The following GRID2 variants were observed in gnomAD, a reference collection of about 807,000 sequenced individuals.
The protein encoded by GRID2 is glutamate receptor ionotropic, delta-2.
Under a neutral mutation model 114.8 loss-of-function variants are expected in GRID2, and 33 were observed. That is an observed-to-expected ratio of 0.29 (90% CI 0.22 to 0.38). The LOEUF is 0.38. GRID2 is among the 10% of genes least tolerant of loss of function. The pLI is 1.00. For synonymous variants in GRID2, 505 were observed against 449.9 expected (o/e 1.12, Z -1.55); for missense variants, 1,184 against 1,257.7 (o/e 0.94, Z 0.89).
intron 2 of GRID2, among the ~76,000 whole-genome samples, chr4:92,605,561 A>G (rs1452651957): frequency 4.6e-5 from 7 of 152,080 alleles, no homozygotes; most frequent in Non-Finnish European, 1.0e-4. Context: ...CTCATTTTTT[A>G]TAAGATGATG....
intron 2 of GRID2, among the ~76,000 whole-genome samples, chr4:92,684,149 T>C (rs1733787512): frequency 6.6e-6 from 1 of 151,980 alleles, no homozygotes. Context: ...TGAAAAACAA[T>C]CATATGTAAT....
rs145109962 is a variant in GRID2, at chr4:92,538,600, G to A, written c.89-51531G>A. On this transcript the variant is annotated intron_variant, in intron 1 of 15. Coordinates refer to ENST00000282020, the MANE Select transcript of GRID2 (RefSeq NM_001510.4). ...TTGTTTTGAAGTTTAAATAATATAG[G>A]TCCAGCCCTTGGCATAGTAAATACT... 1.7e-4 allele frequency among the ~76,000 whole-genome samples: 26 copies of A among 152,056 alleles called. No homozygotes were observed. The East Asian group carries it at 4.9e-3, about 28-fold the overall frequency.
At chr4:92,538,864 A>C (rs1424745170) in intron 1 of GRID2, among the ~76,000 whole-genome samples, 2 of 152,050 alleles carry the variant, frequency 1.3e-5, no homozygotes, top group African/African-American at 2.4e-5. Context: ...AACACCATGA[A>C]ACCCCGTCTC....
intron 2 of GRID2, among the ~76,000 whole-genome samples, chr4:92,991,804 A>G (rs1343614083): frequency 6.6e-6 from 1 of 152,206 alleles, no homozygotes; most frequent in Non-Finnish European, 1.5e-5. Flanking sequence ...GTACAAATAC[A>G]CAAAAGTTAG....
chr4:93,153,601 G>T (rs1056069755), intron 4 of GRID2, among the ~76,000 whole-genome samples: 14 of 152,024 alleles, frequency 9.2e-5, no homozygotes, highest in African/African-American at 3.4e-4. Context: ...CTCATTCCAG[G>T]CCGGGACATA....
At chr4:93,533,487 C>A (rs1047074907) in intron 13 of GRID2, among the ~76,000 whole-genome samples, 1 of 151,430 alleles carries the variant, frequency 6.6e-6, no homozygotes, top group African/African-American at 2.4e-5. Flanking sequence ...GATTCTCCCA[C>A]CTCTGCCTCC....
intron 13 of GRID2, among the ~76,000 whole-genome samples, chr4:93,620,450 C>T (rs1017169583): frequency 2.6e-5 from 4 of 152,156 alleles, no homozygotes; most frequent in Admixed American, 2.6e-4. Context: ...AGCGATAAGT[C>T]TGTTTGTGGC....
At chr4:92,426,115 T>G (rs1732145994) in intron 1 of GRID2, among the ~76,000 whole-genome samples, 1 of 152,120 alleles carries the variant, frequency 6.6e-6, no homozygotes, top group Admixed American at 6.6e-5. Flanking sequence ...CTTTCTATGG[T>G]AACTTGTACT....
At chr4:93,674,828 T>G (rs1264281383) in intron 14 of GRID2, among the ~76,000 whole-genome samples, 2 of 152,172 alleles carry the variant, frequency 1.3e-5, no homozygotes, top group Admixed American at 6.5e-5. Context: ...ATTTTTCAAC[T>G]GTACATTAAG....
Position 92,819,258 on chromosome 4 carries a change from G to C in GRID2, c.244+228972G>C, listed in dbSNP as rs1369169. 8.5e-3 allele frequency among the ~76,000 whole-genome samples: 1,290 copies of C among 151,918 alleles called. 22 individuals are homozygous for C. The highest frequency in any genetic ancestry group is 0.027 in the African/African-American group (1,104 of 41,466). On this transcript the variant is annotated intron_variant, in intron 2 of 15. Transcript: ENST00000282020. Reference sequence around the variant, plus strand: ...CACCCATGGGAGGTTTTAAAACTTAGGCTCAGACATCATCACAAATCTCCA... The same window carrying C: ...CACCCATGGGAGGTTTTAAAACTTACGCTCAGACATCATCACAAATCTCCA...
intron 2 of GRID2, among the ~76,000 whole-genome samples, chr4:92,851,884 T>C (rs1158753988): frequency 2.0e-5 from 3 of 151,986 alleles, no homozygotes; most frequent in Non-Finnish European, 4.4e-5. Context: ...TCAAAAAATA[T>C]GTACTTTCTT....
intron 2 of GRID2, among the ~76,000 whole-genome samples, chr4:92,920,841 T>G (rs1749257418): frequency 1.3e-5 from 2 of 151,954 alleles, no homozygotes; most frequent in South Asian, 4.1e-4. Context: ...GTTGCTCTTC[T>G]CAAGGATTAT....
chr4:92,670,154 G>A (rs13119028), intron 2 of GRID2, among the ~76,000 whole-genome samples: 61,607 of 151,934 alleles, frequency 0.41, 13,212 homozygotes, highest in African/African-American at 0.55. Context: ...GAGAGTTGTA[G>A]TAGCCTTTGA....
intron 2 of GRID2, among the ~76,000 whole-genome samples, chr4:92,935,854 G>T (rs949527217): frequency 7.4e-6 from 1 of 135,914 alleles, no homozygotes; most frequent in South Asian, 2.8e-4. Context: ...ATGGACACAG[G>T]AAGGGGAACA....
chr4:93,599,834 G>A (rs1430828137), intron 13 of GRID2, among the ~76,000 whole-genome samples: 1 of 152,136 alleles, frequency 6.6e-6, no homozygotes. Context: ...CAGTTTTACT[G>A]GCTTGGAGTG....
intron 12 of GRID2, among the ~76,000 whole-genome samples, chr4:93,491,659 G>A (rs548227687): frequency 6.6e-6 from 1 of 151,816 alleles, no homozygotes; most frequent in Non-Finnish European, 1.5e-5. Flanking sequence ...CCAAAAAGCT[G>A]ACAATTCAAA....
At position 92,486,547 on chromosome 4, in the gene GRID2, TCACACACACA is replaced by T. The variant is rs72216440; in HGVS notation, c.89-103549_89-103540del. On this transcript the variant is annotated intron_variant, in intron 1 of 15. Transcript: ENST00000282020. ...ATAGCCTTATAAATCTCTCTCTCTT[TCACACACACA>T]CACACACACACACACACACACACAC... Among the ~76,000 whole-genome samples, 224 of 137,166 alleles carry T rather than the reference TCACACACACA, an allele frequency of 1.6e-3. 2 individuals are homozygous for T. Among genetic ancestry groups the T allele is most frequent in the African/African-American group, 4.1e-3 (154 of 37,180 alleles). 90.0% of individuals were successfully genotyped at this position (137,166 alleles called of 152,430 possible).
intron 2 of GRID2, among the ~76,000 whole-genome samples, chr4:93,074,819 A>G (rs1364703899): frequency 6.6e-6 from 1 of 152,190 alleles, no homozygotes; most frequent in African/African-American, 2.4e-5. Context: ...CATCACTTCA[A>G]ATTTCAGGGG....
At chr4:92,424,326 T>C (rs1732050929) in intron 1 of GRID2, among the ~76,000 whole-genome samples, 1 of 152,084 alleles carries the variant, frequency 6.6e-6, no homozygotes, top group Admixed American at 6.6e-5. Context: ...TACCATGTAT[T>C]ATATTTTTCT....
Sources: allele counts gnomAD v4.1 joint callset (sites outside exome capture counted in the v4.1 genomes callset), GRCh38; gene constraint gnomAD v4.1.1; transcripts MANE v1.5; gene names NCBI Gene and HGNC (gene_info 2026-07-23, HGNC 2026-07-21).